ARNT: variants seen among roughly 807,000 people sequenced by gnomAD.
ARNT encodes the protein aryl hydrocarbon receptor nuclear translocator.
A neutral mutation model predicts 105.0 loss-of-function variants in ARNT; 30 were observed. The ratio of observed to expected loss-of-function variants is 0.29; its 90% CI spans 0.21 to 0.39. The LOEUF (loss-of-function observed/expected upper bound fraction) is 0.39, where lower values mean the gene tolerates loss of function less well. ARNT is among the 10% of genes least tolerant of loss of function. ARNT has a pLI of 1.00. For synonymous variants in ARNT, 304 were observed against 344.0 expected (o/e 0.88, Z 1.29); for missense variants, 748 against 978.7 (o/e 0.76, Z 3.15).
intron 3 of ARNT, among the ~76,000 whole-genome samples, chr1:150,847,397 T>C (rs1425695021): frequency 6.8e-6 from 1 of 146,444 alleles, no homozygotes; most frequent in Non-Finnish European, 1.5e-5. Flanking sequence ...CACCACTGCA[T>C]TTGTGGCAAC....
intron 15 of ARNT, 149 bp from the exon 16 acceptor site, chr1:150,817,582 T>C (rs1052189900): frequency 2.8e-6 from 2 of 709,640 alleles, no homozygotes; most frequent in Non-Finnish European, 4.6e-6. Flanking sequence ...CCGAAGCAGG[T>C]GGATCACCTG....
At chr1:150,839,361 G>A in intron 6 of ARNT, 80 bp downstream of exon 6, 2 of 1,454,540 alleles carry the variant, frequency 1.4e-6, no homozygotes, top group Non-Finnish European at 1.9e-6. Context: ...CTGAAAAGCT[G>A]AATTCTTGTC....
intron 7 of ARNT, chr1:150,834,871 C>A: frequency 2.3e-6 from 1 of 441,526 alleles, no homozygotes; most frequent in Non-Finnish European, 4.2e-6. Flanking sequence ...TAACATTGTG[C>A]AAGGAAAAGT....
intron 3 of ARNT, among the ~76,000 whole-genome samples, chr1:150,849,508 G>A (rs190913215): frequency 1.0e-3 from 153 of 152,254 alleles, no homozygotes; most frequent in African/African-American, 3.4e-3. Context: ...TTTTCAGGCC[G>A]GGTACAGTGG....
At chr1:150,829,689 A>G in intron 11 of ARNT, 1 of 601,994 alleles carries the variant, frequency 1.7e-6, no homozygotes, top group Non-Finnish European at 2.9e-6. Context: ...TAAAATTAAG[A>G]CAAGGGGAAA....
At chr1:150,857,207 A>T (rs1664782985) in intron 2 of ARNT, among the ~76,000 whole-genome samples, 1 of 152,218 alleles carries the variant, frequency 6.6e-6, no homozygotes, top group Non-Finnish European at 1.5e-5. Flanking sequence ...TTCTACACTG[A>T]AACATATTTG....
chr1:150,844,763 G>GT (rs781346501), intron 4 of ARNT, among the ~76,000 whole-genome samples: 137 of 150,100 alleles, frequency 9.1e-4, no homozygotes, highest in Non-Finnish European at 1.7e-3. Context: ...ACAAATTTAA[G>GT]TTTTTTTCAA....
Position 150,814,142 on chromosome 1 carries a change from C to G in ARNT, c.2048G>C (p.Gly683Ala), listed in dbSNP as rs1412602917. 1.2e-6 allele frequency: 2 copies of G among 1,614,070 alleles called. No homozygotes were observed. Among genetic ancestry groups the G allele is most frequent in the Non-Finnish European group, 8.5e-7 (1 of 1,180,022 alleles). ...AGCACCAGGCGATGCAGTTGGGGCACCAGGGAGGGACATGGAGCTGAAGGA... is the reference window on the plus strand; with the variant it reads ...AGCACCAGGCGATGCAGTTGGGGCAGCAGGGAGGGACATGGAGCTGAAGGA... The part of the protein sequence containing the change: ...PSSFSSMSLP[G>A]APTASPGAAA... Residue 683 changes from glycine (G) to alanine (A), a missense_variant, in exon 20 of 22, where the codon GGT becomes GCT. Physicochemically the swap from Gly to Ala is moderately conservative, Grantham distance 60. Around this residue, in one of 4 missense-constraint regions of ARNT, gnomAD observed 360 missense variants for 411.9 expected, o/e 0.87. Coordinates refer to ENST00000358595, the MANE Select transcript of ARNT (RefSeq NM_001668.4).
In ARNT at chr1:150,836,361, T is replaced by C; in HGVS notation, c.619A>G (p.Ser207Gly). The change falls in exon 7 of 22, where the codon AGC becomes GGC. Residue 207 changes from serine (S) to glycine (G), a missense_variant. Ser to Gly is a moderately conservative substitution (Grantham distance 56, BLOSUM62 0). This residue lies in a region of ARNT where 291 missense variants were observed against 444.6 expected (regional missense o/e 0.65). Transcript: ENST00000358595. ...GGGTGCACCTGATCATAGAGTGTGC[T>C]GCCAAACCATTCAGACTGTGGCTGG... ...LNQPQSEWFG[S>G]TLYDQVHPDD... is the part of the protein sequence containing the mutation. The C allele has an allele frequency of 1.2e-6, 2 of 1,614,170 alleles. No homozygotes were observed. The highest frequency in any genetic ancestry group is 1.1e-5 in the South Asian group (1 of 91,088).
At chr1:150,849,355 A>C (rs886561345) in intron 3 of ARNT, among the ~76,000 whole-genome samples, 1 of 152,230 alleles carries the variant, frequency 6.6e-6, no homozygotes, top group African/African-American at 2.4e-5. Context: ...CTCTGGAAAG[A>C]AAAAAAGCAG....
chr1:150,830,115 T>A, intron 10 of ARNT, 135 bp from the exon 11 acceptor site: 1 of 928,554 alleles, frequency 1.1e-6, no homozygotes, highest in Non-Finnish European at 1.6e-6. Flanking sequence ...TCCCAACACT[T>A]TGGGAAGCCA....
At chr1:150,872,832 C>G (rs2102506231) in intron 1 of ARNT, among the ~76,000 whole-genome samples, 2 of 152,124 alleles carry the variant, frequency 1.3e-5, no homozygotes, top group Middle Eastern at 6.8e-3. Flanking sequence ...CACGGTGGTG[C>G]ACACCTGTGG....
chr1:150,837,867 A>G (rs1660595969), intron 6 of ARNT, among the ~76,000 whole-genome samples: 1 of 152,132 alleles, frequency 6.6e-6, no homozygotes, highest in Non-Finnish European at 1.5e-5. Flanking sequence ...CTTAAAAAAA[A>G]AAACCTGCCG....
intron 8 of ARNT, 47 bp from the exon 9 acceptor site, chr1:150,832,446 A>C (rs749713602): frequency 3.8e-6 from 6 of 1,582,840 alleles, no homozygotes; most frequent in Non-Finnish European, 5.2e-6. Context: ...CTGCCCTATC[A>C]AAGAACTTTC....
At chr1:150,852,936 T>C (rs1479310521) in intron 2 of ARNT, 130 bp from the exon 3 acceptor site, 1 of 1,151,902 alleles carries the variant, frequency 8.7e-7, no homozygotes, top group South Asian at 1.4e-5. Context: ...GTGGCAGAAG[T>C]CAAACAAAGC....
intron 12 of ARNT, 63 bp downstream of exon 12, chr1:150,829,030 T>A (rs1658837643): frequency 1.9e-6 from 3 of 1,585,640 alleles, no homozygotes; most frequent in Non-Finnish European, 2.6e-6. Flanking sequence ...AGGAACTACA[T>A]GATTACATAA....
intron 8 of ARNT, among the ~76,000 whole-genome samples, chr1:150,833,502 A>G (rs1659708836): frequency 6.6e-6 from 1 of 152,180 alleles, no homozygotes; most frequent in Admixed American, 6.5e-5. Context: ...AAAAAAATAA[A>G]TAAATAAAAA....
At chr1:150,834,145 T>C (rs1205333399) in intron 8 of ARNT, among the ~76,000 whole-genome samples, 1 of 152,088 alleles carries the variant, frequency 6.6e-6, no homozygotes, top group Non-Finnish European at 1.5e-5. Flanking sequence ...TTCACCATGT[T>C]GGCCAGGCTG....
At chr1:150,871,324 G>A (rs1249889450) in intron 1 of ARNT, among the ~76,000 whole-genome samples, 21 of 138,802 alleles carry the variant, frequency 1.5e-4, no homozygotes, top group Middle Eastern at 3.6e-3. Context: ...TTTTTTAGAC[G>A]GAGTCTCACT....
Sources: gnomAD v4.1 joint callset for allele counts (sites outside exome capture counted in the v4.1 genomes callset) on GRCh38, gnomAD v4.1.1 for gene constraint, gnomAD v4.1.1 regional missense constraint, MANE v1.5 for transcripts, NCBI Gene and HGNC (gene_info 2026-07-23, HGNC 2026-07-21) for gene names.